SNIP1: variants seen among roughly 807,000 people sequenced by gnomAD.
SNIP1 encodes the protein smad nuclear-interacting protein 1.
Under a neutral mutation model 37.4 loss-of-function variants are expected in SNIP1, and 23 were observed. That is an observed-to-expected ratio of 0.61 (90% confidence interval 0.44 to 0.87). The LOEUF (loss-of-function observed/expected upper bound fraction) is 0.87, where lower values mean the gene tolerates loss of function less well. Among genes scored for constraint, SNIP1 ranks in the 40% least tolerant of loss-of-function variants. SNIP1 has a pLI of 0.00. For missense variants in SNIP1, 459 were observed against 540.4 expected (o/e 0.85, Z 1.49); for synonymous variants, 174 against 200.0 (o/e 0.87, Z 1.10).
chr1:37,547,092 A>T (rs1444245665), intron 2 of SNIP1, among the ~76,000 whole-genome samples: 1 of 152,208 alleles, frequency 6.6e-6, no homozygotes, highest in Non-Finnish European at 1.5e-5. Context: ...AATACTTTAC[A>T]TACACCTATA....
Position 37,537,953 on chromosome 1 carries a change from A to G in SNIP1, c.986T>C (p.Ile329Thr), listed in dbSNP as rs759326485. 1.2e-6 allele frequency: 2 copies of G among 1,614,062 alleles called. No individual in the cohort carries two copies. The highest frequency in any genetic ancestry group is 1.7e-5 in the Admixed American group (1 of 59,988). ...TVGRRVKPYIIDLGSGNGTFL... is the reference protein window; with the variant it reads ...TVGRRVKPYITDLGSGNGTFL... ...GGTTCCATTGCCTGAGCCAAGGTCAATGATGTAGGGCTTCACTCTTCGGCC... is the reference window on the plus strand; with the variant it reads ...GGTTCCATTGCCTGAGCCAAGGTCAGTGATGTAGGGCTTCACTCTTCGGCC... The change falls in exon 4 of 4, where the codon ATT becomes ACT. Residue 329 changes from isoleucine to threonine, a missense_variant. Physicochemically the swap from Ile to Thr is moderately conservative, Grantham distance 89. Transcript: ENST00000296215.
intron 2 of SNIP1, among the ~76,000 whole-genome samples, chr1:37,545,486 A>C (rs1442319358): frequency 2.0e-5 from 3 of 148,870 alleles, no homozygotes; most frequent in Non-Finnish European, 4.5e-5. Context: ...AAAAAAAAAA[A>C]CAAAGAAAAA....
intron 2 of SNIP1, among the ~76,000 whole-genome samples, chr1:37,544,403 G>GCCACTGCA (rs1329420822): frequency 1.4e-5 from 2 of 139,392 alleles, no homozygotes; most frequent in African/African-American, 5.3e-5. Context: ...CCGAGATCAC[G>GCCACTGCA]CCACTGCACT....
chr1:37,548,459 G>A lies in SNIP1; in HGVS notation c.327+4186C>T, dbSNP rs539294100. Among the ~76,000 whole-genome samples, 9 of 151,354 alleles carry A rather than the reference G, an allele frequency of 5.9e-5. No individual in the cohort carries two copies. In the East Asian group the frequency reaches 6.0e-4, roughly 10 times the overall value. On this transcript the variant is annotated intron_variant, in intron 2 of 3. Coordinates refer to ENST00000296215, the MANE Select transcript of SNIP1 (RefSeq NM_024700.4). ...GCCTCCCAAGTAGCTGGGATTACAC[G>A]CGCCCACCACCACACCCAGCTAATT...
chr1:37,534,512 C>A lies in SNIP1; in HGVS notation c.*3236G>T, dbSNP rs1243389054. 2 of 152,234 alleles carry A rather than the reference C, an allele frequency of 1.3e-5. No individual in the cohort carries two copies. Among genetic ancestry groups the A allele is most frequent in the Non-Finnish European group, 2.9e-5 (2 of 68,048 alleles). The allele number at this position is 152,234 out of a possible 1,614,324, so 9.4% of individuals were successfully genotyped here. A position where few individuals can be genotyped will look rare whatever the true frequency, so the allele number is the denominator to read the frequency against. On this transcript the variant is annotated 3_prime_UTR_variant, in exon 4 of 4. Coordinates refer to ENST00000296215, the MANE Select transcript of SNIP1 (RefSeq NM_024700.4). ...AGCCTTTTCACTTGATATAAACTCA[C>A]ATACCCAGGAACACTGTGGGCTCAG...
intron 2 of SNIP1, among the ~76,000 whole-genome samples, chr1:37,546,396 G>T (rs114584677): frequency 0.041 from 6,311 of 152,190 alleles, 197 homozygotes; most frequent in Non-Finnish European, 0.063. Context: ...CATAACGGCC[G>T]GGTGTGGTGG....
At chr1:37,539,114 C>T (rs1469113282) in intron 3 of SNIP1, among the ~76,000 whole-genome samples, 3 of 152,104 alleles carry the variant, frequency 2.0e-5, no homozygotes, top group African/African-American at 7.2e-5. Context: ...TCAGGGCTTC[C>T]ACTGATTCTA....
At position 37,540,013 on chromosome 1, in the gene SNIP1, A is replaced by C. The variant is rs1643153653; in HGVS notation, c.926+144T>G. The C allele has an allele frequency of 1.5e-6, 1 of 652,530 alleles. No homozygotes were observed. The highest frequency in any genetic ancestry group is 2.7e-5 in the South Asian group (1 of 37,158). 40.4% of individuals were successfully genotyped at this position (652,530 alleles called of 1,614,324 possible). ...TTATAAATATGTAAGCAATTATTTA[A>C]AGGGCAGTTAGATTAACAATACTCT... On this transcript the variant is annotated intron_variant, in intron 3 of 3. Coordinates refer to ENST00000296215, the MANE Select transcript of SNIP1 (RefSeq NM_024700.4). The surrounding 1 kb of genome is among the most constrained non-coding windows in gnomAD (Gnocchi z 5.6).
In SNIP1 at chr1:37,540,763, T is replaced by G; in HGVS notation, c.328-8A>C. 6.4e-7 allele frequency: 1 copy of G among 1,571,658 alleles called. No homozygotes were observed. Among genetic ancestry groups the G allele is most frequent in the South Asian group, 1.1e-5 (1 of 87,836 alleles). On this transcript the variant is annotated splice_polypyrimidine_tract_variant and splice_region_variant and intron_variant, in intron 2 of 3. Coordinates refer to ENST00000296215, the MANE Select transcript of SNIP1 (RefSeq NM_024700.4). The surrounding 1 kb of genome is among the most constrained non-coding windows in gnomAD (Gnocchi z 5.6). Reference sequence around the variant, plus strand: ...GGGATGATCCTCACGCTCCTAAAATTCAAACAGATTCTGTAATTTAAACGC... The same window carrying G: ...GGGATGATCCTCACGCTCCTAAAATGCAAACAGATTCTGTAATTTAAACGC...
At chr1:37,544,758 C>A in intron 2 of SNIP1, 1 of 696,820 alleles carries the variant, frequency 1.4e-6, no homozygotes, top group Admixed American at 1.9e-5. Flanking sequence ...ACCGTGGCCA[C>A]CACCATGACG....
In SNIP1 at chr1:37,540,771, ATTCT is replaced by A; in HGVS notation, c.328-20_328-17del. On this transcript the variant is annotated splice_polypyrimidine_tract_variant and intron_variant, in intron 2 of 3. Transcript: ENST00000296215. The surrounding 1 kb of genome is among the most constrained non-coding windows in gnomAD (Gnocchi z 5.6). Reference sequence around the variant, plus strand: ...CCTCACGCTCCTAAAATTCAAACAGATTCTGTAATTTAAACGCAGTGCACAATCT... The same window carrying A: ...CCTCACGCTCCTAAAATTCAAACAGAGTAATTTAAACGCAGTGCACAATCT... 1 of 1,566,720 alleles carries A rather than the reference ATTCT, an allele frequency of 6.4e-7. No homozygotes were observed. Among genetic ancestry groups the A allele is most frequent in the Admixed American group, 1.8e-5 (1 of 54,904 alleles).
rs1643166374 is a variant in SNIP1 at position 37,540,852 on chromosome 1, T to C, written c.328-97A>G. ...TGAACGAAGTGCATGCAAAAAGTCT[T>C]GTAATTTGGACTTTGGCATTTAGAA... is the stretch of plus-strand genomic sequence containing the variant. On this transcript the variant is annotated intron_variant, in intron 2 of 3. Coordinates refer to ENST00000296215, the MANE Select transcript of SNIP1 (RefSeq NM_024700.4). The surrounding 1 kb of genome is among the most constrained non-coding windows in gnomAD (Gnocchi z 5.6). The C allele has an allele frequency of 3.3e-6, 4 of 1,220,012 alleles. No homozygotes were observed. The East Asian group carries it at 9.4e-5, about 29-fold the overall frequency. The allele number at this position is 1,220,012 out of a possible 1,614,324, so 75.6% of individuals were successfully genotyped here. A position where few individuals can be genotyped will look rare whatever the true frequency, so the allele number is the denominator to read the frequency against.
intron 2 of SNIP1, among the ~76,000 whole-genome samples, chr1:37,543,910 G>T (rs545539256): frequency 3.3e-5 from 5 of 151,410 alleles, no homozygotes; most frequent in Admixed American, 2.0e-4. Flanking sequence ...GGAGGGCAAG[G>T]GGGGGGGCAG....
Position 37,540,946 on chromosome 1 carries a change from T to C in SNIP1, c.328-191A>G, listed in dbSNP as rs565752035. ...CCCTCGCAAGGCCACAAAGATGATA[T>C]CCCATGCTGCTATTCAACTATAGCC... On this transcript the variant is annotated intron_variant, in intron 2 of 3. Transcript: ENST00000296215. The surrounding 1 kb of genome is among the most constrained non-coding windows in gnomAD (Gnocchi z 5.6). The C allele has an allele frequency of 4.7e-4, 264 of 560,876 alleles. 7 individuals carry two copies. In the South Asian group the frequency reaches 5.6e-3, roughly 12 times the overall value. The allele number at this position is 560,876 out of a possible 1,614,324, so 34.7% of individuals were successfully genotyped here.
At position 37,537,826 on chromosome 1, in the gene SNIP1, A is replaced by G; in HGVS notation, c.1113T>C (p.His371=). Residue 371 remains histidine (H), a synonymous_variant, in exon 4 of 4, where the codon CAT becomes CAC. Transcript: ENST00000296215. Reference sequence around the variant, plus strand: ...CTATTTCAGAAGTGTCCGACGACTCATGGAGCAAGACGTATTCTCTGCTAC... The same window carrying G: ...CTATTTCAGAAGTGTCCGACGACTCGTGGAGCAAGACGTATTCTCTGCTAC... ...GFSSREYVLL[H]ESSDTSEIDR... 1 of 1,614,178 alleles carries G rather than the reference A, an allele frequency of 6.2e-7. No individual in the cohort carries two copies. The highest frequency in any genetic ancestry group is 1.7e-5 in the Admixed American group (1 of 60,016).
chr1:37,554,281 T>C lies in SNIP1; in HGVS notation c.-52A>G. ...AACAGATCAGTTGAGCTCCTCTAGC[T>C]GGAGGAAATGACGAGTTTAACTCCT... On this transcript the variant is annotated 5_prime_UTR_variant, in exon 1 of 4. Transcript: ENST00000296215. 6.6e-7 allele frequency: 1 copy of C among 1,519,112 alleles called. No homozygotes were observed. Among genetic ancestry groups the C allele is most frequent in the South Asian group, 1.3e-5 (1 of 78,720 alleles). 94.1% of individuals were successfully genotyped at this position (1,519,112 alleles called of 1,614,324 possible).
Position 37,540,938 on chromosome 1 carries a change from AG to A in SNIP1, c.328-184del. On this transcript the variant is annotated intron_variant, in intron 2 of 3. Transcript: ENST00000296215. This position sits in a 1 kb window ranked among gnomAD's most constrained non-coding sequence, Gnocchi z 5.6. ...GTTATGTTCCCTCGCAAGGCCACAAAGATGATATCCCATGCTGCTATTCAAC... is the reference window on the plus strand; with the variant it reads ...GTTATGTTCCCTCGCAAGGCCACAAAATGATATCCCATGCTGCTATTCAAC... 1.7e-6 allele frequency: 1 copy of A among 580,576 alleles called. No homozygotes were observed. Among genetic ancestry groups the A allele is most frequent in the Admixed American group, 3.2e-5 (1 of 31,708 alleles). The allele number at this position is 580,576 out of a possible 1,614,324, so 36.0% of individuals were successfully genotyped here.
intron 1 of SNIP1, among the ~76,000 whole-genome samples, 186 bp from the exon 2 acceptor site, chr1:37,552,933 T>C (rs996765891): frequency 2.6e-5 from 4 of 152,206 alleles, no homozygotes; most frequent in Non-Finnish European, 5.9e-5. Context: ...CATACTCACA[T>C]AGACAACTGT....
In SNIP1 at chr1:37,540,831, C is replaced by T. The variant is rs571264081; in HGVS notation, c.328-76G>A. ...CAGCCCAAATCTTGTTCTTTTTGAA[C>T]GAAGTGCATGCAAAAAGTCTTGTAA... is the stretch of plus-strand genomic sequence containing the variant. On this transcript the variant is annotated intron_variant, in intron 2 of 3. Transcript: ENST00000296215. The surrounding 1 kb of genome is among the most constrained non-coding windows in gnomAD (Gnocchi z 5.6). The T allele has an allele frequency of 4.9e-5, 68 of 1,381,152 alleles. No homozygotes were observed. In the South Asian group the frequency reaches 6.7e-4, roughly 14 times the overall value. 85.6% of individuals were successfully genotyped at this position (1,381,152 alleles called of 1,614,324 possible). A position where few individuals can be genotyped will look rare whatever the true frequency, so the allele number is the denominator to read the frequency against.
Sources: allele counts gnomAD v4.1 joint callset (sites outside exome capture counted in the v4.1 genomes callset), GRCh38; gene constraint gnomAD v4.1.1; non-coding constraint Gnocchi (gnomAD v3.1); transcripts MANE v1.5; gene names NCBI Gene and HGNC (gene_info 2026-07-23, HGNC 2026-07-21).